MYH9: variants seen among roughly 807,000 people sequenced by gnomAD.
The protein encoded by MYH9 is myosin heavy chain 9.
MYH9 carries 29 observed loss-of-function variants against 241.9 expected under a neutral mutation model. The observed-to-expected ratio is 0.12, with a 90% CI of 0.09 to 0.16. The LOEUF (loss-of-function observed/expected upper bound fraction) is 0.16, where lower values mean the gene tolerates loss of function less well. Among genes scored for constraint, MYH9 ranks in the 10% least tolerant of loss-of-function variants. The probability of loss-of-function intolerance (pLI) is 1.00; values close to 1 mark genes in which losing one functional copy is unlikely to be tolerated. For missense variants in MYH9, 1,803 were observed against 2,595.5 expected, an observed-to-expected ratio of 0.69 and a Z score of 6.63; for synonymous variants, 1,047 against 1,062.6, an observed-to-expected ratio of 0.99 and a Z score of 0.29.
At position 36,326,762 on chromosome 22, in the gene MYH9, G is replaced by A. The variant is rs966252527; in HGVS notation, c.519-101C>T. The A allele has an allele frequency of 1.9e-5, 19 of 1,008,158 alleles. No homozygotes were observed. In the African/African-American group the frequency reaches 2.7e-4, roughly 14 times the overall value. The allele number at this position is 1,008,158 out of a possible 1,614,324, so 62.5% of individuals were successfully genotyped here. ...TCCACTGCCTCGCATTCTGTTGGGT[G>A]CCCGTGAAGGACCCAACGTGTGGCA... On this transcript the variant is annotated intron_variant, in intron 4 of 40. Coordinates refer to ENST00000216181, the MANE Select transcript of MYH9 (RefSeq NM_002473.6).
chr22:36,294,804 G>T, intron 27 of MYH9, 128 bp downstream of exon 27: 1 of 1,282,394 alleles, frequency 7.8e-7, no homozygotes, highest in Non-Finnish European at 1.1e-6. Context: ...CCCTTAGAAG[G>T]GGAGCCTGGC....
intron 1 of MYH9, among the ~76,000 whole-genome samples, chr22:36,387,534 G>C (rs2018374052): frequency 6.6e-6 from 1 of 151,780 alleles, no homozygotes; most frequent in Non-Finnish European, 1.5e-5. Context: ...CGGGGGACAC[G>C]GGGGGCGCCG....
Position 36,284,435 on chromosome 22 carries a change from C to A in MYH9, c.5560G>T (p.Glu1854Ter). 6.2e-7 allele frequency: 1 copy of A among 1,613,378 alleles called. No individual in the cohort carries two copies. Among genetic ancestry groups the A allele is most frequent in the Non-Finnish European group, 8.5e-7 (1 of 1,180,042 alleles). ...TTGTACTGCTCGGCGTTCCTCCGCTCGTCATCCACCTGCAGCAGCACATCC... is the reference window on the plus strand; with the variant it reads ...TTGTACTGCTCGGCGTTCCTCCGCTAGTCATCCACCTGCAGCAGCACATCC... ...LKDVLLQVDD[E>*]RRNAEQYKDQ... Residue 1854 changes from glutamate to a stop codon, truncating the protein, a stop_gained, in exon 39 of 41, where the codon GAG becomes TAG. Transcript: ENST00000216181. LOFTEE classifies it high-confidence loss of function.
rs759639480 is a variant in MYH9 at position 36,320,858 on chromosome 22, C to T, written c.808G>A (p.Glu270Lys). 1 of 1,614,122 alleles carries T rather than the reference C, an allele frequency of 6.2e-7. No individual in the cohort carries two copies. Among genetic ancestry groups the T allele is most frequent in the Non-Finnish European group, 8.5e-7 (1 of 1,179,982 alleles). ...TAGAAGATGTGGAAGGTCCGTTCTT[C>T]CTTGGCTTGGCGGATAGCACGAGAT... ...EKSRAIRQAK[E>K]ERTFHIFYYL... The change falls in exon 8 of 41, where the codon GAA becomes AAA. Residue 270 changes from glutamate (E) to lysine (K), a missense_variant. This residue lies in a region of MYH9 where 222 missense variants were observed against 359.9 expected (regional missense o/e 0.62). Coordinates refer to ENST00000216181, the MANE Select transcript of MYH9 (RefSeq NM_002473.6). This position sits in a 1 kb window ranked among gnomAD's most constrained non-coding sequence, Gnocchi z 4.8.
At chr22:36,383,000 T>G (rs774942212) in intron 1 of MYH9, among the ~76,000 whole-genome samples, 27 of 151,968 alleles carry the variant, frequency 1.8e-4, no homozygotes, top group Non-Finnish European at 3.5e-4. Flanking sequence ...GCAGGAGGGT[T>G]GCTTGAGCCC....
At chr22:36,309,111 G>A (rs1440311779) in intron 15 of MYH9, among the ~76,000 whole-genome samples, 171 bp downstream of exon 15, 1 of 152,220 alleles carries the variant, frequency 6.6e-6, no homozygotes, top group Non-Finnish European at 1.5e-5. Flanking sequence ...GTGGCCTCCT[G>A]TTTCGGTCCG....
intron 1 of MYH9, among the ~76,000 whole-genome samples, chr22:36,380,645 G>C (rs374800710): frequency 6.6e-6 from 1 of 152,162 alleles, no homozygotes; most frequent in Non-Finnish European, 1.5e-5. Context: ...GGAGGCTGAG[G>C]CAGGAGAATC....
chr22:36,304,900 C>T (rs112092270), intron 18 of MYH9, 133 bp downstream of exon 18: 26 of 897,416 alleles, frequency 2.9e-5, no homozygotes, highest in East Asian at 1.5e-4. Flanking sequence ...CAGAGTCAGA[C>T]GCGGAGCATC....
At chr22:36,387,382 C>G (rs1163405911) in intron 1 of MYH9, among the ~76,000 whole-genome samples, 1 of 152,258 alleles carries the variant, frequency 6.6e-6, no homozygotes, top group African/African-American at 2.4e-5. Context: ...GGCTCCCAAC[C>G]CGTGAGGCTG....
intron 6 of MYH9, among the ~76,000 whole-genome samples, chr22:36,322,133 T>C (rs1355488646): frequency 6.6e-6 from 1 of 152,254 alleles, no homozygotes; most frequent in Non-Finnish European, 1.5e-5. Context: ...GGGAACTAAC[T>C]GGCTACTGGT....
intron 2 of MYH9, among the ~76,000 whole-genome samples, chr22:36,345,807 G>T (rs1223648045): frequency 6.6e-6 from 1 of 152,152 alleles, no homozygotes; most frequent in Non-Finnish European, 1.5e-5. Context: ...CCCTGCTTAA[G>T]TTCCTTGCTA....
chr22:36,324,200 G>C (rs1027744925), intron 5 of MYH9, among the ~76,000 whole-genome samples: 2 of 152,260 alleles, frequency 1.3e-5, no homozygotes, highest in African/African-American at 4.8e-5. Flanking sequence ...GGGCCAAGTC[G>C]GGAGCAGCCA....
chr22:36,295,102 G>A lies in MYH9; in HGVS notation c.3486-26C>T, dbSNP rs1332144057. 1.2e-6 allele frequency: 2 copies of A among 1,613,982 alleles called. No homozygotes were observed. The highest frequency in any genetic ancestry group is 2.2e-5 in the East Asian group (1 of 44,892). Reference sequence around the variant, plus strand: ...CTGGACAGAGAAATCCCCTCAGAGTGGAGGCCGGGGATGCTGGAGCGAGGC... The same window carrying A: ...CTGGACAGAGAAATCCCCTCAGAGTAGAGGCCGGGGATGCTGGAGCGAGGC... On this transcript the variant is annotated intron_variant, in intron 26 of 40. Coordinates refer to ENST00000216181, the MANE Select transcript of MYH9 (RefSeq NM_002473.6). This position sits in a 1 kb window ranked among gnomAD's most constrained non-coding sequence, Gnocchi z 4.1.
intron 1 of MYH9, among the ~76,000 whole-genome samples, chr22:36,387,059 G>A (rs1381340580): frequency 6.6e-6 from 1 of 152,226 alleles, no homozygotes; most frequent in East Asian, 1.9e-4. Context: ...CTCCCCCGAG[G>A]ATCAGAAGTC....
chr22:36,287,736 C>T (rs545813175), intron 34 of MYH9, among the ~76,000 whole-genome samples: 169 of 152,286 alleles, frequency 1.1e-3, no homozygotes, highest in African/African-American at 3.9e-3. Context: ...AGCGAGACTC[C>T]GTCTCAAACA....
chr22:36,379,404 G>A (rs1278009179), intron 1 of MYH9, among the ~76,000 whole-genome samples: 1 of 152,236 alleles, frequency 6.6e-6, no homozygotes, highest in African/African-American at 2.4e-5. Flanking sequence ...AGCTACTTGG[G>A]AGGCTGAGGC....
In MYH9 at chr22:36,330,326, C is replaced by A. The variant is rs956647468; in HGVS notation, c.491-2838G>T. Among the ~76,000 whole-genome samples the A allele has an allele frequency of 6.6e-6, 1 of 152,212 alleles. No individual in the cohort carries two copies. Among genetic ancestry groups the A allele is most frequent in the Non-Finnish European group, 1.5e-5 (1 of 68,028 alleles). On this transcript the variant is annotated intron_variant, in intron 3 of 40. Transcript: ENST00000216181. This position sits in a 1 kb window ranked among gnomAD's most constrained non-coding sequence, Gnocchi z 4.5. ...CATCTCTTACCGCACTGCTTAGTATCCTAAATCCACCGGCCGGATGCACCA... is the reference window on the plus strand; with the variant it reads ...CATCTCTTACCGCACTGCTTAGTATACTAAATCCACCGGCCGGATGCACCA...
In MYH9 at chr22:36,295,645, T is replaced by C. The variant is rs875725; in HGVS notation, c.3345A>G (p.Glu1115=). 25,733 of 1,613,868 alleles carry C rather than the reference T, an allele frequency of 0.016. 404 individuals carry two copies. The highest frequency in any genetic ancestry group is 0.078 in the Middle Eastern group (472 of 6,060). ...KIRELESQIS[E]LQEDLESERA... is the part of the protein sequence containing the mutation. ...GCTCAGACTCCAGGTCTTCCTGGAGTTCAGAGATCTGAGATTCCAGCTCCC... is the reference window on the plus strand; with the variant it reads ...GCTCAGACTCCAGGTCTTCCTGGAGCTCAGAGATCTGAGATTCCAGCTCCC... Residue 1115 remains glutamate (E), a synonymous_variant, in exon 26 of 41, where the codon GAA becomes GAG. Coordinates refer to ENST00000216181, the MANE Select transcript of MYH9 (RefSeq NM_002473.6). The surrounding 1 kb of genome is among the most constrained non-coding windows in gnomAD (Gnocchi z 4.1).
chr22:36,299,839 C>CA (rs2016846021), intron 23 of MYH9, among the ~76,000 whole-genome samples: 1 of 152,220 alleles, frequency 6.6e-6, no homozygotes, highest in East Asian at 1.9e-4. Context: ...TGCAATGCTG[C>CA]ACAGATGGCC....
Sources: allele counts gnomAD v4.1 joint callset (sites outside exome capture counted in the v4.1 genomes callset), GRCh38; gene constraint gnomAD v4.1.1; regional missense constraint gnomAD v4.1.1; non-coding constraint Gnocchi (gnomAD v3.1); transcripts MANE v1.5; gene names NCBI Gene and HGNC (gene_info 2026-07-23, HGNC 2026-07-21).